The following SYT14 variants were observed in gnomAD, a reference collection of about 807,000 sequenced individuals.
SYT14 encodes synaptotagmin-14.
In SYT14, 32 loss-of-function variants were observed where a neutral mutation model predicts 74.2. The observed-to-expected ratio is 0.43, with a 90% CI of 0.33 to 0.58. SYT14 has a LOEUF of 0.58. Among genes scored for constraint, SYT14 ranks in the 20% least tolerant of loss-of-function variants. The probability of loss-of-function intolerance (pLI) is 0.05; values close to 1 mark genes in which losing one functional copy is unlikely to be tolerated. For synonymous variants in SYT14, 298 were observed against 337.7 expected (o/e 0.88, Z 1.29); for missense variants, 791 against 981.8 (o/e 0.81, Z 2.60).
intron 1 of SYT14, among the ~76,000 whole-genome samples, chr1:209,949,585 A>C (rs1338534498): frequency 6.6e-6 from 1 of 151,990 alleles, no homozygotes; most frequent in African/African-American, 2.4e-5. Flanking sequence ...AAAAAAAAAA[A>C]ACACTCAATT....
At chr1:210,123,820 T>G (rs922171571) in intron 7 of SYT14, among the ~76,000 whole-genome samples, 1 of 151,878 alleles carries the variant, frequency 6.6e-6, no homozygotes, top group African/African-American at 2.4e-5. Context: ...GAAAATAAAA[T>G]TATGCAACAG....
Position 210,094,089 on chromosome 1 carries a change from G to A in SYT14, c.1313-233G>A, listed in dbSNP as rs114952721. Among the ~76,000 whole-genome samples, 403 of 152,088 alleles carry A rather than the reference G, an allele frequency of 2.6e-3. 1 individual carries two copies. Among genetic ancestry groups the A allele is most frequent in the African/African-American group, 8.9e-3 (368 of 41,486 alleles). On this transcript the variant is annotated intron_variant, in intron 5 of 9. Coordinates refer to ENST00000637265, the Ensembl canonical transcript of SYT14. ...ATGATACATAACAGGATCTTTCTTC[G>A]TATATGACTTTTATTTTTCCTAATC...
At chr1:210,037,341 G>A (rs1170650781) in intron 5 of SYT14, among the ~76,000 whole-genome samples, 3 of 151,828 alleles carry the variant, frequency 2.0e-5, no homozygotes, top group African/African-American at 4.8e-5. Flanking sequence ...TGTCTTGGTA[G>A]CAGCCTATCA....
At chr1:210,126,226 A>G (rs1052457384) in intron 7 of SYT14, among the ~76,000 whole-genome samples, 4 of 152,134 alleles carry the variant, frequency 2.6e-5, no homozygotes, top group Non-Finnish European at 1.5e-5. Context: ...CAGAAAGGCA[A>G]CATCCACTTA....
At chr1:210,057,823 A>G (rs1034848386) in intron 5 of SYT14, among the ~76,000 whole-genome samples, 1 of 152,142 alleles carries the variant, frequency 6.6e-6, no homozygotes, top group Non-Finnish European at 1.5e-5. Flanking sequence ...CTATACTCCT[A>G]CTTCCCCATA....
chr1:210,089,378 C>A (rs1358601936), intron 5 of SYT14, among the ~76,000 whole-genome samples: 1 of 152,148 alleles, frequency 6.6e-6, no homozygotes, highest in Non-Finnish European at 1.5e-5. Context: ...GATTTATAAT[C>A]CTTTGCCTAT....
At chr1:210,153,818 A>G (rs1227344621) in intron 7 of SYT14, among the ~76,000 whole-genome samples, 5 of 152,300 alleles carry the variant, frequency 3.3e-5, no homozygotes, top group African/African-American at 4.8e-5. Context: ...ATAGTTGGCA[A>G]TTTCAAAGGG....
chr1:209,971,539 T>C (rs1465086312), intron 2 of SYT14, among the ~76,000 whole-genome samples: 4 of 152,194 alleles, frequency 2.6e-5, no homozygotes, highest in African/African-American at 2.4e-5. Context: ...ATGGGTCTTA[T>C]TATTTTGAGG....
At chr1:210,029,644 A>G (rs1026962701) in intron 5 of SYT14, among the ~76,000 whole-genome samples, 1 of 152,156 alleles carries the variant, frequency 6.6e-6, no homozygotes, top group Non-Finnish European at 1.5e-5. Context: ...CCAGTACAAC[A>G]GTGTTTTGAT....
At chr1:210,046,488 A>G (rs1292075966) in intron 5 of SYT14, among the ~76,000 whole-genome samples, 1 of 152,126 alleles carries the variant, frequency 6.6e-6, no homozygotes, top group Non-Finnish European at 1.5e-5. Flanking sequence ...GAACATTTCC[A>G]TTAGCCATTC....
At chr1:209,985,482 C>A (rs2079555519) in intron 2 of SYT14, among the ~76,000 whole-genome samples, 1 of 152,254 alleles carries the variant, frequency 6.6e-6, no homozygotes, top group Non-Finnish European at 1.5e-5. Flanking sequence ...TCAGCCCCCA[C>A]ATCTGTTCTT....
At chr1:210,048,288 A>G (rs1201417532) in intron 5 of SYT14, among the ~76,000 whole-genome samples, 2 of 152,130 alleles carry the variant, frequency 1.3e-5, no homozygotes, top group Non-Finnish European at 2.9e-5. Flanking sequence ...TTTGATCTGT[A>G]TGTGTCCCTG....
At chr1:210,084,950 T>G (rs1184021814) in intron 5 of SYT14, among the ~76,000 whole-genome samples, 2 of 152,234 alleles carry the variant, frequency 1.3e-5, no homozygotes. Context: ...TGCCTTTCTT[T>G]TGAGATGCCG....
At chr1:210,076,631 G>A (rs2081505929) in intron 5 of SYT14, among the ~76,000 whole-genome samples, 1 of 152,186 alleles carries the variant, frequency 6.6e-6, no homozygotes, top group Non-Finnish European at 1.5e-5. Flanking sequence ...TTCTGTACAG[G>A]AAGTATAGCA....
chr1:210,150,375 C>T (rs2083133896), intron 7 of SYT14, among the ~76,000 whole-genome samples: 1 of 152,142 alleles, frequency 6.6e-6, no homozygotes, highest in Non-Finnish European at 1.5e-5. Context: ...CTACTAAAAC[C>T]CAGCCTGGCT....
chr1:210,008,237 A>C (rs2080023572), intron 2 of SYT14, among the ~76,000 whole-genome samples: 1 of 152,210 alleles, frequency 6.6e-6, no homozygotes, highest in South Asian at 2.1e-4. Context: ...TACCACATTA[A>C]AACTTTGCAA....
At position 210,028,363 on chromosome 1, in the gene SYT14, C is replaced by T. The variant is rs568788085; in HGVS notation, c.1312+7109C>T. ...CAATTCTATTGTTGTGCACCATCAC[C>T]ACTATCCATCTCTAGAACTCTTTTC... On this transcript the variant is annotated intron_variant, in intron 5 of 9. Coordinates refer to ENST00000637265, the Ensembl canonical transcript of SYT14. Among the ~76,000 whole-genome samples, 13 of 143,528 alleles carry T rather than the reference C, an allele frequency of 9.1e-5. No homozygotes were observed. In the East Asian group the frequency reaches 2.7e-3, roughly 29 times the overall value. The allele number at this position is 143,528 out of a possible 152,430, so 94.2% of individuals were successfully genotyped here.
At chr1:210,122,902 T>C (rs2082497031) in intron 7 of SYT14, among the ~76,000 whole-genome samples, 1 of 152,222 alleles carries the variant, frequency 6.6e-6, no homozygotes, top group Non-Finnish European at 1.5e-5. Flanking sequence ...ATGAATTTGC[T>C]CTCTTGGGAC....
intron 7 of SYT14, among the ~76,000 whole-genome samples, chr1:210,154,875 T>C (rs1291973976): frequency 6.6e-6 from 1 of 152,230 alleles, no homozygotes; most frequent in African/African-American, 2.4e-5. Context: ...AGGTATAATA[T>C]TCTGCATATG....
Sources: gnomAD v4.1 joint callset for allele counts (sites outside exome capture counted in the v4.1 genomes callset) on GRCh38, gnomAD v4.1.1 for gene constraint, MANE v1.5 for transcripts, NCBI Gene and HGNC (gene_info 2026-07-23, HGNC 2026-07-21) for gene names.